Variants in MAGI3 observed in about 807,000 individuals in gnomAD.
MAGI3 encodes membrane-associated guanylate kinase, WW and PDZ domain-containing protein 3.
Under a neutral mutation model 121.8 loss-of-function variants are expected in MAGI3, and 43 were observed. The ratio of observed to expected loss-of-function variants is 0.35; its 90% CI spans 0.28 to 0.46. MAGI3 has a LOEUF of 0.46. Among genes scored for constraint, MAGI3 ranks in the 20% least tolerant of loss-of-function variants. The pLI is 1.00. For synonymous variants in MAGI3, 553 were observed against 639.3 expected (o/e 0.86, Z 2.04); for missense variants, 1,547 against 1,797.3 (o/e 0.86, Z 2.52).
intron 4 of MAGI3, among the ~76,000 whole-genome samples, chr1:113,587,980 C>A (rs901241084): frequency 1.3e-5 from 2 of 152,134 alleles, no homozygotes; most frequent in Non-Finnish European, 2.9e-5. Context: ...ATACTAAATG[C>A]CATTGTGCTA....
chr1:113,611,380 G>C (rs889470335), intron 6 of MAGI3, among the ~76,000 whole-genome samples: 1 of 152,042 alleles, frequency 6.6e-6, no homozygotes, highest in African/African-American at 2.4e-5. Flanking sequence ...GAGTCACCGT[G>C]CCGGCCCATT....
At chr1:113,555,442 T>C (rs1056278897) in intron 2 of MAGI3, among the ~76,000 whole-genome samples, 48 of 152,212 alleles carry the variant, frequency 3.2e-4, no homozygotes, top group African/African-American at 1.1e-3. Context: ...ATAGAAAACA[T>C]GAACAGTATT....
intron 4 of MAGI3, among the ~76,000 whole-genome samples, chr1:113,586,930 A>G (rs1648398595): frequency 6.6e-6 from 1 of 152,118 alleles, no homozygotes. Flanking sequence ...ATACTCTTTG[A>G]TGTTAATATT....
rs117341262 is a variant in MAGI3, at chr1:113,459,915, T to C, written c.316+68566T>C. 8.9e-4 allele frequency among the ~76,000 whole-genome samples: 136 copies of C among 152,314 alleles called. 1 individual carries two copies. In the East Asian group the frequency reaches 0.025, roughly 28 times the overall value. ...AGAGAAAGGACTCCTCCACAACTTA[T>C]TCTATGAGGCCAGCATCATCTTGAT... On this transcript the variant is annotated intron_variant, in intron 1 of 20. Transcript: ENST00000307546.
At chr1:113,392,534 C>T (rs952322532) in intron 1 of MAGI3, among the ~76,000 whole-genome samples, 9 of 152,104 alleles carry the variant, frequency 5.9e-5, no homozygotes, top group Admixed American at 2.0e-4. Flanking sequence ...CTTAATGGGG[C>T]TTGATGGTTT....
intron 6 of MAGI3, among the ~76,000 whole-genome samples, chr1:113,596,884 G>T (rs1330383112): frequency 8.6e-5 from 13 of 151,972 alleles, no homozygotes; most frequent in Non-Finnish European, 5.9e-5. Flanking sequence ...ATTGGAAAAT[G>T]GTATAGCCAC....
chr1:113,531,138 A>G (rs1570808691), intron 1 of MAGI3, among the ~76,000 whole-genome samples: 1 of 152,146 alleles, frequency 6.6e-6, no homozygotes, highest in Non-Finnish European at 1.5e-5. Context: ...TGAGTTCTCC[A>G]CTTTCTTTTT....
chr1:113,508,546 A>G (rs1266129642), intron 1 of MAGI3, among the ~76,000 whole-genome samples: 4 of 152,198 alleles, frequency 2.6e-5, no homozygotes, highest in African/African-American at 9.7e-5. Flanking sequence ...CTAGTAAGCC[A>G]AGCTTGTTTC....
chr1:113,544,868 G>A (rs1009563906), intron 1 of MAGI3, among the ~76,000 whole-genome samples: 39 of 152,122 alleles, frequency 2.6e-4, no homozygotes, highest in African/African-American at 8.2e-4. Flanking sequence ...TTTTCCTATA[G>A]TAAAAGGTAA....
intron 11 of MAGI3, among the ~76,000 whole-genome samples, chr1:113,646,077 A>G (rs1282195105): frequency 2.6e-5 from 4 of 152,148 alleles, no homozygotes; most frequent in Non-Finnish European, 5.9e-5. Context: ...AATTAAACTC[A>G]GTGAATGGGA....
intron 1 of MAGI3, among the ~76,000 whole-genome samples, chr1:113,511,978 A>C (rs1657637922): frequency 6.6e-6 from 1 of 152,172 alleles, no homozygotes; most frequent in Admixed American, 6.5e-5. Context: ...TCCCTTACAT[A>C]ACCAAAGGTT....
chr1:113,434,499 C>T (rs1048329009), intron 1 of MAGI3, among the ~76,000 whole-genome samples: 8 of 152,154 alleles, frequency 5.3e-5, no homozygotes, highest in African/African-American at 1.9e-4. Flanking sequence ...TAAGCATTCC[C>T]TAAATAATTT....
chr1:113,413,093 T>C (rs1422979528), intron 1 of MAGI3, among the ~76,000 whole-genome samples: 4 of 152,224 alleles, frequency 2.6e-5, no homozygotes, highest in Admixed American at 2.6e-4. Context: ...GCTTTCTGTA[T>C]ATGGCTAGCC....
chr1:113,477,866 A>G (rs969778631), intron 1 of MAGI3, among the ~76,000 whole-genome samples: 3 of 152,156 alleles, frequency 2.0e-5, no homozygotes, highest in Admixed American at 6.5e-5. Context: ...AGGTACACCA[A>G]TCAAATGTAG....
chr1:113,450,336 A>AGCTATGGTGGTGGAGGT (rs998536013), intron 1 of MAGI3: 1 of 1,427,196 alleles, frequency 7.0e-7, no homozygotes, highest in African/African-American at 1.4e-5. Flanking sequence ...GTGGTGGAGG[A>AGCTATGGTGGTGGAGGT]GCTATGGTGG....
chr1:113,594,960 T>C (rs4839330), intron 6 of MAGI3, among the ~76,000 whole-genome samples: 15,808 of 152,226 alleles, frequency 0.1, 1,051 homozygotes, highest in East Asian at 0.19. Flanking sequence ...ACAGTAGATA[T>C]GCAAGTATCT....
intron 1 of MAGI3, among the ~76,000 whole-genome samples, chr1:113,394,203 A>G (rs1650974063): frequency 6.6e-6 from 1 of 151,646 alleles, no homozygotes; most frequent in Non-Finnish European, 1.5e-5. Context: ...TTGTTGTTAT[A>G]ATCTTTAATA....
At chr1:113,608,037 T>C (rs990855217) in intron 6 of MAGI3, among the ~76,000 whole-genome samples, 1 of 152,196 alleles carries the variant, frequency 6.6e-6, no homozygotes, top group African/African-American at 2.4e-5. Context: ...TAGCCCCTTC[T>C]GTCATTTTCT....
At chr1:113,619,952 T>A (rs1650719401) in intron 8 of MAGI3, 122 bp downstream of exon 8, 1 of 617,548 alleles carries the variant, frequency 1.6e-6, no homozygotes, top group African/African-American at 1.9e-5. Flanking sequence ...GTCTAGTTGT[T>A]ACTGTAAAGA....
Sources: allele counts gnomAD v4.1 joint callset (sites outside exome capture counted in the v4.1 genomes callset), GRCh38; gene constraint gnomAD v4.1.1; transcripts MANE v1.5; gene names NCBI Gene and HGNC (gene_info 2026-07-23, HGNC 2026-07-21).